Variants in BICDL1 observed in about 807,000 individuals in gnomAD.
The protein encoded by BICDL1 is BICD family like cargo adaptor 1.
In BICDL1, 20 loss-of-function variants were observed where a neutral mutation model predicts 76.8. That is an observed-to-expected ratio of 0.26 (90% confidence interval 0.18 to 0.38). The LOEUF (loss-of-function observed/expected upper bound fraction) is 0.38, where lower values mean the gene tolerates loss of function less well. Among genes scored for constraint, BICDL1 ranks in the 10% least tolerant of loss-of-function variants. The pLI is 1.00. For synonymous variants in BICDL1, 383 were observed against 337.1 expected (o/e 1.14, Z -1.49); for missense variants, 700 against 798.6 (o/e 0.88, Z 1.49).
Position 120,061,610 on chromosome 12 carries a change from T to C in BICDL1, c.646-100T>C. On this transcript the variant is annotated intron_variant, in intron 2 of 9. Coordinates refer to ENST00000548673, the MANE Select transcript of BICDL1 (RefSeq NM_001367886.1). ...ATCTCATCTAGTGCTCCTTAAAGAATAGAAAGTGCAAAGAGATGCTTGATA... is the reference window on the plus strand; with the variant it reads ...ATCTCATCTAGTGCTCCTTAAAGAACAGAAAGTGCAAAGAGATGCTTGATA... 4.8e-6 allele frequency: 4 copies of C among 840,062 alleles called. No homozygotes were observed. The South Asian group carries it at 5.6e-5, about 12-fold the overall frequency. The allele number at this position is 840,062 out of a possible 1,614,324, so 52.0% of individuals were successfully genotyped here.
At chr12:120,008,582 C>A (rs1180920152) in intron 2 of BICDL1, among the ~76,000 whole-genome samples, 2 of 152,106 alleles carry the variant, frequency 1.3e-5, no homozygotes, top group African/African-American at 4.8e-5. Context: ...TGTAAATCTT[C>A]CAGGATGGGT....
chr12:120,085,039 G>A (rs530338619), intron 8 of BICDL1, among the ~76,000 whole-genome samples: 1 of 152,120 alleles, frequency 6.6e-6, no homozygotes, highest in Non-Finnish European at 1.5e-5. Flanking sequence ...CTCATGTCAT[G>A]GTGTCTGTCA....
Position 120,093,019 on chromosome 12 carries a change from T to C in BICDL1, c.1724T>C (p.Ile575Thr), listed in dbSNP as rs750250060. 3.2e-6 allele frequency: 5 copies of C among 1,577,632 alleles called. No homozygotes were observed. The highest frequency in any genetic ancestry group is 4.3e-6 in the Non-Finnish European group (5 of 1,160,168). ...CTGCAGGATGACATGCACAGGGTCATTGACCGGCAGCTGATGGACACGCAC... is the reference window on the plus strand; with the variant it reads ...CTGCAGGATGACATGCACAGGGTCACTGACCGGCAGCTGATGGACACGCAC... ...EAWQDDMHRV[I>T]DRQLMDTHLK... Residue 575 changes from isoleucine (I) to threonine (T), a missense_variant, in exon 10 of 10, where the codon ATT becomes ACT. By Grantham distance (89) the Ile-to-Thr change is moderately conservative (BLOSUM62 -1). This residue lies in a region of BICDL1 where 455 missense variants were observed against 548.7 expected (regional missense o/e 0.83). Transcript: ENST00000548673.
At chr12:120,004,816 G>A (rs1951821286) in intron 2 of BICDL1, among the ~76,000 whole-genome samples, 1 of 152,046 alleles carries the variant, frequency 6.6e-6, no homozygotes, top group Admixed American at 6.6e-5. Flanking sequence ...AAGTTTTATA[G>A]ATTTGTTTGT....
At chr12:120,011,537 T>G (rs1040939625) in intron 2 of BICDL1, among the ~76,000 whole-genome samples, 1 of 152,130 alleles carries the variant, frequency 6.6e-6, no homozygotes, top group Admixed American at 6.5e-5. Context: ...GAGAAGCTGT[T>G]TGGTCTTTTT....
rs1419856860 is a variant in BICDL1 at position 120,071,607 on chromosome 12, C to G, written c.910-15C>G. 5.0e-6 allele frequency: 8 copies of G among 1,594,542 alleles called. No individual in the cohort carries two copies. The highest frequency in any genetic ancestry group is 6.8e-6 in the Non-Finnish European group (8 of 1,170,128). ...GTGTTTGGTAAACCTCAACCATTTGCTCTTTCTTTGAAAGCTGCACCAAAG... is the reference window on the plus strand; with the variant it reads ...GTGTTTGGTAAACCTCAACCATTTGGTCTTTCTTTGAAAGCTGCACCAAAG... On this transcript the variant is annotated splice_polypyrimidine_tract_variant and intron_variant, in intron 4 of 9. Transcript: ENST00000548673. This position sits in a 1 kb window ranked among gnomAD's most constrained non-coding sequence, Gnocchi z 4.8.
intron 6 of BICDL1, among the ~76,000 whole-genome samples, chr12:120,073,235 G>A (rs1873250522): frequency 6.6e-6 from 1 of 152,182 alleles, no homozygotes; most frequent in Non-Finnish European, 1.5e-5. Context: ...CAAGTGTCAG[G>A]GCTCCAAAGG....
At chr12:120,084,990 C>T (rs1032405671) in intron 8 of BICDL1, among the ~76,000 whole-genome samples, 3 of 152,012 alleles carry the variant, frequency 2.0e-5, no homozygotes, top group Non-Finnish European at 2.9e-5. Flanking sequence ...TCTCTATTTC[C>T]GTTTTACCTT....
At chr12:120,052,708 A>G (rs1028545760) in intron 2 of BICDL1, among the ~76,000 whole-genome samples, 7 of 152,190 alleles carry the variant, frequency 4.6e-5, no homozygotes, top group Non-Finnish European at 8.8e-5. Context: ...TTTGCCCACA[A>G]ATTTTAGCAT....
intron 2 of BICDL1, among the ~76,000 whole-genome samples, chr12:120,046,797 G>A (rs1644803402): frequency 6.6e-6 from 1 of 152,134 alleles, no homozygotes; most frequent in Non-Finnish European, 1.5e-5. Context: ...CTCCAATTGC[G>A]AGTACAGTGT....
chr12:120,084,784 G>C (rs971374628), intron 8 of BICDL1, among the ~76,000 whole-genome samples: 1 of 151,994 alleles, frequency 6.6e-6, no homozygotes. Flanking sequence ...CAGCTACTCA[G>C]GAGGCTGAGG....
intron 2 of BICDL1, among the ~76,000 whole-genome samples, chr12:120,019,696 T>C (rs1037145334): frequency 2.0e-5 from 3 of 152,148 alleles, no homozygotes; most frequent in African/African-American, 7.2e-5. Flanking sequence ...CAGATCCCCC[T>C]GCCTCAGCCT....
At chr12:120,091,852 C>T in intron 9 of BICDL1, 2 of 985,352 alleles carry the variant, frequency 2.0e-6, no homozygotes, top group Non-Finnish European at 2.4e-6. Context: ...CAACTTCATG[C>T]CCTCATCTCG....
chr12:120,063,387 A>T (rs1195855264), intron 3 of BICDL1, among the ~76,000 whole-genome samples: 1 of 152,200 alleles, frequency 6.6e-6, no homozygotes, highest in Non-Finnish European at 1.5e-5. Context: ...ATCTCTCTGG[A>T]CAAAGGCCAC....
chr12:120,091,996 G>A lies in BICDL1; in HGVS notation c.1705-1004G>A, dbSNP rs185616636. The stretch of plus-strand genomic sequence containing the variant: ...AGGGGTTTAGCCAGAAAAGCTTGGG[G>A]TCTTACCAGGATGCCGCAGAGCCTG... On this transcript the variant is annotated intron_variant, in intron 9 of 9. Coordinates refer to ENST00000548673, the MANE Select transcript of BICDL1 (RefSeq NM_001367886.1). 77 of 985,418 alleles carry A rather than the reference G, an allele frequency of 7.8e-5. No individual in the cohort carries two copies. In the East Asian group the frequency reaches 1.8e-3, roughly 23 times the overall value. The allele number at this position is 985,418 out of a possible 1,614,324, so 61.0% of individuals were successfully genotyped here. A position where few individuals can be genotyped will look rare whatever the true frequency, so the allele number is the denominator to read the frequency against.
At chr12:120,051,066 C>G (rs1952849226) in intron 2 of BICDL1, among the ~76,000 whole-genome samples, 1 of 151,662 alleles carries the variant, frequency 6.6e-6, no homozygotes, top group Admixed American at 6.6e-5. Flanking sequence ...GAGTCTTGCT[C>G]TGTCGCCCAG....
At chr12:120,065,505 C>T (rs1343372312) in intron 4 of BICDL1, among the ~76,000 whole-genome samples, 3 of 152,194 alleles carry the variant, frequency 2.0e-5, no homozygotes, top group African/African-American at 7.2e-5. Context: ...TCACACTTGA[C>T]AGGAAACAAC....
intron 2 of BICDL1, among the ~76,000 whole-genome samples, chr12:120,021,724 G>A (rs1307342578): frequency 6.6e-6 from 1 of 150,868 alleles, no homozygotes; most frequent in Non-Finnish European, 1.5e-5. Context: ...GGCTAACATG[G>A]TAAAACCCTG....
intron 1 of BICDL1, among the ~76,000 whole-genome samples, chr12:119,996,128 G>T (rs1951640470): frequency 6.6e-6 from 1 of 152,082 alleles, no homozygotes; most frequent in African/African-American, 2.4e-5. Flanking sequence ...AAAATATAAT[G>T]TGTCTTTTTC....
Sources: allele counts gnomAD v4.1 joint callset (sites outside exome capture counted in the v4.1 genomes callset), GRCh38; gene constraint gnomAD v4.1.1; regional missense constraint gnomAD v4.1.1; non-coding constraint Gnocchi (gnomAD v3.1); transcripts MANE v1.5; gene names NCBI Gene and HGNC (gene_info 2026-07-23, HGNC 2026-07-21).